The following ASH1L variants were observed in gnomAD, a reference collection of about 807,000 sequenced individuals.
ASH1L encodes histone-lysine N-methyltransferase ASH1L.
In ASH1L, 23 loss-of-function variants were observed where a neutral mutation model predicts 269.0. That is an observed-to-expected ratio of 0.09 (90% CI 0.06 to 0.12). The LOEUF (loss-of-function observed/expected upper bound fraction) is 0.12. ASH1L is among the 10% of genes least tolerant of loss of function. The probability of loss-of-function intolerance (pLI) is 1.00; values close to 1 mark genes in which losing one functional copy is unlikely to be tolerated. For synonymous variants in ASH1L, 1,187 were observed against 1,253.5 expected, an observed-to-expected ratio of 0.95 and a Z score of 1.12; for missense variants, 2,912 against 3,567.8, an observed-to-expected ratio of 0.82 and a Z score of 4.68.
chr1:155,480,624 G>A lies in ASH1L; in HGVS notation c.2246C>T (p.Ser749Leu), dbSNP rs1294571630. 3.7e-6 allele frequency: 6 copies of A among 1,613,978 alleles called. No individual in the cohort carries two copies. The African/African-American group carries it at 4.0e-5, about 11-fold the overall frequency. ...SELFKNVSCS[S>L]LSNSNSEPAK... ...TGGCTCAGAATTACTATTTGATAGT[G>A]AGCTACATGAAACGTTTTTAAAAAG... Residue 749 changes from serine to leucine, a missense_variant, in exon 3 of 28, where the codon TCA becomes TTA. Physicochemically the swap from Ser to Leu is moderately radical, Grantham distance 145. Transcript: ENST00000392403.
intron 5 of ASH1L, among the ~76,000 whole-genome samples, chr1:155,417,591 AGG>A (rs1660319767): frequency 6.6e-6 from 1 of 152,220 alleles, no homozygotes; most frequent in African/African-American, 2.4e-5. Context: ...GTTCAACAAT[AGG>A]GGACATTAAA....
At chr1:155,527,862 G>A (rs1669376394) in intron 1 of ASH1L, among the ~76,000 whole-genome samples, 1 of 151,952 alleles carries the variant, frequency 6.6e-6, no homozygotes, top group African/African-American at 2.4e-5. Flanking sequence ...CTCCTCTCTT[G>A]ATTGTTCTTC....
intron 6 of ASH1L, among the ~76,000 whole-genome samples, chr1:155,412,112 T>C (rs1198959184): frequency 1.3e-5 from 2 of 151,888 alleles, no homozygotes; most frequent in African/African-American, 4.8e-5. Context: ...CATGGCGGTG[T>C]GTGCCTGTAG....
intron 1 of ASH1L, among the ~76,000 whole-genome samples, chr1:155,533,174 C>G (rs982317950): frequency 2.0e-5 from 3 of 152,030 alleles, no homozygotes; most frequent in Non-Finnish European, 4.4e-5. Flanking sequence ...TAAAGTACTA[C>G]AAATGAGTCC....
intron 2 of ASH1L, among the ~76,000 whole-genome samples, chr1:155,514,470 T>C (rs1203377142): frequency 1.3e-5 from 2 of 152,224 alleles, no homozygotes; most frequent in East Asian, 1.9e-4. Context: ...CGTTCTTAAA[T>C]GTGGTTATGT....
At chr1:155,373,228 A>C (rs950188190) in intron 10 of ASH1L, among the ~76,000 whole-genome samples, 1 of 151,984 alleles carries the variant, frequency 6.6e-6, no homozygotes, top group Non-Finnish European at 1.5e-5. Context: ...AAAACAAAAA[A>C]AAAACAAAAA....
rs540595275 is a variant in ASH1L at position 155,454,534 on chromosome 1, G to A, written c.5086+5263C>T. Among the ~76,000 whole-genome samples the A allele has an allele frequency of 2.6e-5, 4 of 152,264 alleles. No homozygotes were observed. In the South Asian group the frequency reaches 6.2e-4, roughly 24 times the overall value. ...TGTAATCCCAGCACTTTCGGAGGCC[G>A]AGGTGGGCTGATTACTTGAGGTCAG... On this transcript the variant is annotated intron_variant, in intron 4 of 27. Coordinates refer to ENST00000392403, the MANE Select transcript of ASH1L (RefSeq NM_018489.3).
At chr1:155,469,395 C>G (rs1664926689) in intron 3 of ASH1L, among the ~76,000 whole-genome samples, 1 of 151,978 alleles carries the variant, frequency 6.6e-6, no homozygotes, top group Non-Finnish European at 1.5e-5. Context: ...GTTGGTAAGG[C>G]TGGCCTTGAA....
Position 155,438,842 on chromosome 1 carries a change from T to C in ASH1L, c.5313A>G (p.Thr1771=). The part of the protein sequence containing the change: ...KPDSLLVPAV[T]SDSCNNSISL... ...AGATGCTATTATTGCAAGAGTCACTTGTGACTGCAGGCACTAAAAGGCTGT... is the reference window on the plus strand; with the variant it reads ...AGATGCTATTATTGCAAGAGTCACTCGTGACTGCAGGCACTAAAAGGCTGT... Residue 1771 remains threonine, a synonymous_variant, in exon 5 of 28, where the codon ACA becomes ACG. Transcript: ENST00000392403. The C allele has an allele frequency of 6.2e-7, 1 of 1,614,206 alleles. No individual in the cohort carries two copies. Among genetic ancestry groups the C allele is most frequent in the Non-Finnish European group, 8.5e-7 (1 of 1,180,044 alleles).
chr1:155,480,622 G>C lies in ASH1L; in HGVS notation c.2248C>G (p.Leu750Val). The C allele has an allele frequency of 6.2e-7, 1 of 1,614,132 alleles. No individual in the cohort carries two copies. The highest frequency in any genetic ancestry group is 8.5e-7 in the Non-Finnish European group (1 of 1,180,010). ...GCTGGCTCAGAATTACTATTTGATA[G>C]TGAGCTACATGAAACGTTTTTAAAA... ...ELFKNVSCSSLSNSNSEPAKF... is the reference protein window; with the variant it reads ...ELFKNVSCSSVSNSNSEPAKF... Residue 750 changes from leucine to valine, a missense_variant, in exon 3 of 28, where the codon CTA becomes GTA. Transcript: ENST00000392403.
In ASH1L at chr1:155,438,940, C is replaced by T. The variant is rs1662325647; in HGVS notation, c.5215G>A (p.Ala1739Thr). ...GAAGAAGGTGGTGCAGAGGCAGTTG[C>T]AATCACAGCATCAATACTTTTCTCC... ...PMEKSIDAVI[A>T]TASAPPSSSP... The change falls in exon 5 of 28, where the codon GCA becomes ACA. Residue 1739 changes from alanine to threonine, a missense_variant. Physicochemically the swap from Ala to Thr is moderately conservative, Grantham distance 58. Around this residue, in one of 13 missense-constraint regions of ASH1L, gnomAD observed 789 missense variants for 897.6 expected, o/e 0.88. Transcript: ENST00000392403. The T allele has an allele frequency of 6.2e-7, 1 of 1,614,150 alleles. No individual in the cohort carries two copies. Among genetic ancestry groups the T allele is most frequent in the Non-Finnish European group, 8.5e-7 (1 of 1,180,018 alleles).
chr1:155,507,899 T>C (rs1469436274), intron 2 of ASH1L, among the ~76,000 whole-genome samples: 1 of 152,160 alleles, frequency 6.6e-6, no homozygotes, highest in African/African-American at 2.4e-5. Context: ...AAAAATGTTA[T>C]GTATCCACCA....
At position 155,562,428 on chromosome 1, in the gene ASH1L, G is replaced by C; in HGVS notation, c.-375C>G. On this transcript the variant is annotated 5_prime_UTR_variant, in exon 1 of 28. Coordinates refer to ENST00000392403, the MANE Select transcript of ASH1L (RefSeq NM_018489.3). ...GCGAACCCAAAATGGCGGCGGGAGC[G>C]GCGGCGGCGGCGGCGGCAGCAGCAG... 7.4e-7 allele frequency: 1 copy of C among 1,353,502 alleles called. No individual in the cohort carries two copies. 83.8% of individuals were successfully genotyped at this position (1,353,502 alleles called of 1,614,324 possible).
chr1:155,468,228 A>T (rs1044491483), intron 3 of ASH1L, among the ~76,000 whole-genome samples: 102 of 127,314 alleles, frequency 8.0e-4, no homozygotes, highest in Middle Eastern at 7.4e-3. Context: ...TATTATTATT[A>T]TTATTTTTTT....
intron 2 of ASH1L, among the ~76,000 whole-genome samples, chr1:155,515,212 C>T (rs962366140): frequency 1.3e-5 from 2 of 152,172 alleles, no homozygotes; most frequent in Non-Finnish European, 2.9e-5. Context: ...CAGGACAACG[C>T]CTGACTACAT....
Position 155,343,085 on chromosome 1 carries a change from C to T in ASH1L, c.8293+229G>A, listed in dbSNP as rs1415279784. Reference sequence around the variant, plus strand: ...GGAGTGCAGTGGTGCGATCTTGGCTCACTGCAACCTCTGCCTCCCAGGCTC... The same window carrying T: ...GGAGTGCAGTGGTGCGATCTTGGCTTACTGCAACCTCTGCCTCCCAGGCTC... On this transcript the variant is annotated intron_variant, in intron 24 of 27. Coordinates refer to ENST00000392403, the MANE Select transcript of ASH1L (RefSeq NM_018489.3). This position sits in a 1 kb window ranked among gnomAD's most constrained non-coding sequence, Gnocchi z 6.1. 1 of 443,460 alleles carries T rather than the reference C, an allele frequency of 2.3e-6. No homozygotes were observed. The highest frequency in any genetic ancestry group is 4.0e-6 in the Non-Finnish European group (1 of 249,118). 27.5% of individuals were successfully genotyped at this position (443,460 alleles called of 1,614,324 possible).
At position 155,490,000 on chromosome 1, in the gene ASH1L, G is replaced by A. The variant is rs549706962; in HGVS notation, c.421-7551C>T. On this transcript the variant is annotated intron_variant, in intron 2 of 27. Coordinates refer to ENST00000392403, the MANE Select transcript of ASH1L (RefSeq NM_018489.3). ...TTTTTTTTTTTTGAGACGGAGTCTC[G>A]CTCTGTTGCCCAGGGTGGAGTGCAG... Among the ~76,000 whole-genome samples the A allele has an allele frequency of 7.2e-3, 1,082 of 149,884 alleles. 9 individuals are homozygous for A. The highest frequency in any genetic ancestry group is 1.0e-2 in the Non-Finnish European group (674 of 67,578).
chr1:155,346,854 G>A (rs1653386686), intron 20 of ASH1L, among the ~76,000 whole-genome samples: 1 of 152,132 alleles, frequency 6.6e-6, no homozygotes, highest in Non-Finnish European at 1.5e-5. Context: ...CAACAATCCT[G>A]TGCGTTACTT....
chr1:155,502,167 T>A (rs1667557040), intron 2 of ASH1L, among the ~76,000 whole-genome samples: 1 of 149,696 alleles, frequency 6.7e-6, no homozygotes, highest in African/African-American at 2.5e-5. Flanking sequence ...GCCTCCCGGG[T>A]TCAAGCAACT....
Sources: allele counts gnomAD v4.1 joint callset (sites outside exome capture counted in the v4.1 genomes callset), GRCh38; gene constraint gnomAD v4.1.1; regional missense constraint gnomAD v4.1.1; non-coding constraint Gnocchi (gnomAD v3.1); transcripts MANE v1.5; gene names NCBI Gene and HGNC (gene_info 2026-07-23, HGNC 2026-07-21).